HEATR5B: variants seen among roughly 807,000 people sequenced by gnomAD.
HEATR5B encodes the protein HEAT repeat-containing protein 5B.
HEATR5B carries 156 observed loss-of-function variants against 224.1 expected under a neutral mutation model. That is an observed-to-expected ratio of 0.70 (90% CI 0.61 to 0.80). HEATR5B has a LOEUF of 0.80. Ranked by LOEUF, HEATR5B falls within the 30% of genes least tolerant of loss-of-function variation. The pLI is 0.00. For synonymous variants in HEATR5B, 1,027 were observed against 893.0 expected (o/e 1.15, Z -2.68); for missense variants, 2,323 against 2,535.5 (o/e 0.92, Z 1.80).
intron 34 of HEATR5B, among the ~76,000 whole-genome samples, chr2:36,989,672 T>C (rs1319044200): frequency 1.3e-5 from 2 of 151,944 alleles, no homozygotes; most frequent in Non-Finnish European, 2.9e-5. Context: ...AGATTAACAC[T>C]TTTTTAAAAA....
At chr2:37,034,369 T>A (rs1449620264) in intron 21 of HEATR5B, among the ~76,000 whole-genome samples, 2 of 139,342 alleles carry the variant, frequency 1.4e-5, no homozygotes, top group Non-Finnish European at 3.1e-5. Flanking sequence ...ATCCCAGCAC[T>A]TTGGGAGGCC....
intron 22 of HEATR5B, among the ~76,000 whole-genome samples, chr2:37,030,937 G>C (rs1018747414): frequency 6.6e-6 from 1 of 152,188 alleles, no homozygotes; most frequent in African/African-American, 2.4e-5. Flanking sequence ...AAAGTGGCTC[G>C]CTGTACCTAA....
chr2:37,002,411 G>A lies in HEATR5B; in HGVS notation c.5212C>T (p.Pro1738Ser), dbSNP rs749560104. The change falls in exon 32 of 36, where the codon CCA becomes TCA. Residue 1738 changes from proline to serine, a missense_variant. Around this residue, in one of 12 missense-constraint regions of HEATR5B, gnomAD observed 844 missense variants for 812.9 expected, o/e 1.04. Transcript: ENST00000233099. Reference protein sequence around the residue: ...PHLSTKVSDSPSHIATKTRLS... With the variant: ...PHLSTKVSDSSSHIATKTRLS... Reference sequence around the variant, plus strand: ...CGAGTTTTAGTGGCTATGTGACTTGGAGAGTCTGACACCTTGGTACTGAGA... The same window carrying A: ...CGAGTTTTAGTGGCTATGTGACTTGAAGAGTCTGACACCTTGGTACTGAGA... 3 of 1,614,194 alleles carry A rather than the reference G, an allele frequency of 1.9e-6. No individual in the cohort carries two copies. Among genetic ancestry groups the A allele is most frequent in the Admixed American group, 1.7e-5 (1 of 60,028 alleles).
At chr2:37,030,902 G>A (rs376654994) in intron 22 of HEATR5B, among the ~76,000 whole-genome samples, 1 of 152,152 alleles carries the variant, frequency 6.6e-6, no homozygotes, top group African/African-American at 2.4e-5. Context: ...GTTTCTAGAG[G>A]TTTCCCACCA....
In HEATR5B at chr2:37,083,432, C is replaced by G; in HGVS notation, c.-18G>C. The G allele has an allele frequency of 6.2e-7, 1 of 1,603,366 alleles. No homozygotes were observed. The highest frequency in any genetic ancestry group is 2.2e-5 in the East Asian group (1 of 44,774). ...AACTCCATTACGGAAGTTTGAAATT[C>G]ACACCTTAAATTTAACAGAGTAAAA... On this transcript the variant is annotated 5_prime_UTR_variant, in exon 2 of 36. Coordinates refer to ENST00000233099, the MANE Select transcript of HEATR5B (RefSeq NM_019024.3).
chr2:36,985,947 TCTTA>T (rs1665924551), intron 35 of HEATR5B, among the ~76,000 whole-genome samples: 2 of 152,188 alleles, frequency 1.3e-5, no homozygotes, highest in South Asian at 2.1e-4. Flanking sequence ...ATATATATAT[TCTTA>T]CTGTCAAAAA....
At chr2:37,019,920 T>C (rs763501202) in intron 25 of HEATR5B, 43 bp from the exon 26 acceptor site, 36 of 1,401,606 alleles carry the variant, frequency 2.6e-5, no homozygotes, top group Non-Finnish European at 3.4e-5. Flanking sequence ...CTTTTATTTT[T>C]TGAGACACGG....
chr2:37,031,968 C>T (rs1054318460), intron 22 of HEATR5B, among the ~76,000 whole-genome samples: 3 of 151,510 alleles, frequency 2.0e-5, no homozygotes, highest in Non-Finnish European at 4.4e-5. Flanking sequence ...TTAAGCTATA[C>T]CTAAAACCCT....
intron 33 of HEATR5B, among the ~76,000 whole-genome samples, chr2:36,993,008 A>C (rs1419028281): frequency 6.6e-6 from 1 of 152,196 alleles, no homozygotes; most frequent in Non-Finnish European, 1.5e-5. Flanking sequence ...TATAGGTTTA[A>C]ACCAAGGTGT....
chr2:36,997,589 C>T lies in HEATR5B; in HGVS notation c.5545+2997G>A, dbSNP rs559239392. ...ATTCTTTTTTTTTTTTTTTTTGAGA[C>T]GGAGTCTCGCTCTGTAGCCCAGGCT... On this transcript the variant is annotated intron_variant, in intron 33 of 35. Transcript: ENST00000233099. Among the ~76,000 whole-genome samples, 12 of 94,870 alleles carry T rather than the reference C, an allele frequency of 1.3e-4. No homozygotes were observed. In the South Asian group the frequency reaches 2.2e-3, roughly 17 times the overall value. 62.2% of individuals were successfully genotyped at this position (94,870 alleles called of 152,430 possible).
At chr2:37,024,138 A>T (rs1419340562) in intron 24 of HEATR5B, among the ~76,000 whole-genome samples, 1 of 152,224 alleles carries the variant, frequency 6.6e-6, no homozygotes, top group East Asian at 1.9e-4. Context: ...GGTTAAGTGA[A>T]ATATGTCAGG....
At chr2:36,995,400 T>C (rs918054692) in intron 33 of HEATR5B, among the ~76,000 whole-genome samples, 3 of 152,180 alleles carry the variant, frequency 2.0e-5, no homozygotes, top group African/African-American at 7.2e-5. Flanking sequence ...TTCCTATCTA[T>C]ACACACATAT....
At chr2:37,078,891 A>C (rs1672385857) in intron 3 of HEATR5B, among the ~76,000 whole-genome samples, 1 of 152,188 alleles carries the variant, frequency 6.6e-6, no homozygotes, top group Non-Finnish European at 1.5e-5. Flanking sequence ...AGAATTTCCA[A>C]CTACCTATTT....
At chr2:37,023,870 G>A (rs1668611143) in intron 24 of HEATR5B, among the ~76,000 whole-genome samples, 1 of 152,050 alleles carries the variant, frequency 6.6e-6, no homozygotes, top group Non-Finnish European at 1.5e-5. Flanking sequence ...TTGGCTAGAA[G>A]CCCACAGTGC....
At position 37,000,841 on chromosome 2, in the gene HEATR5B, C is replaced by T. The variant is rs146506478; in HGVS notation, c.5318-28G>A. On this transcript the variant is annotated intron_variant, in intron 32 of 35. Coordinates refer to ENST00000233099, the MANE Select transcript of HEATR5B (RefSeq NM_019024.3). Reference sequence around the variant, plus strand: ...GAAAGAAAAACAAATCAGATCACCTCATAACTATTCAGTTCCCATATTATA... The same window carrying T: ...GAAAGAAAAACAAATCAGATCACCTTATAACTATTCAGTTCCCATATTATA... The T allele has an allele frequency of 8.5e-6, 12 of 1,411,150 alleles. No homozygotes were observed. The East Asian group carries it at 2.1e-4, about 24-fold the overall frequency. The allele number at this position is 1,411,150 out of a possible 1,614,324, so 87.4% of individuals were successfully genotyped here.
chr2:37,057,233 A>T (rs1208128807), intron 15 of HEATR5B, 84 bp downstream of exon 15: 1 of 1,029,920 alleles, frequency 9.7e-7, no homozygotes, highest in Non-Finnish European at 1.4e-6. Flanking sequence ...CTTTCTATAC[A>T]CTATTTTCTT....
intron 18 of HEATR5B, among the ~76,000 whole-genome samples, chr2:37,045,679 C>A (rs1183746447): frequency 6.6e-6 from 1 of 152,176 alleles, no homozygotes; most frequent in Non-Finnish European, 1.5e-5. Flanking sequence ...TCTCCCTGTG[C>A]AGCTCTCTCC....
At chr2:37,004,244 A>G (rs1230324316) in intron 30 of HEATR5B, among the ~76,000 whole-genome samples, 1 of 151,872 alleles carries the variant, frequency 6.6e-6, no homozygotes, top group Non-Finnish European at 1.5e-5. Context: ...TCTTTCCTTA[A>G]GATCATGTGT....
Position 37,072,214 on chromosome 2 carries a change from A to T in HEATR5B, c.665T>A (p.Leu222His). 6.2e-7 allele frequency: 1 copy of T among 1,613,812 alleles called. No individual in the cohort carries two copies. Among genetic ancestry groups the T allele is most frequent in the South Asian group, 1.1e-5 (1 of 91,074 alleles). ...TGAGTTTTCCAAAGCCTTAAAGCAG[A>T]GAGTGGCTATATTTTCTAGTTCAGC... is the stretch of plus-strand genomic sequence containing the variant. Reference protein sequence around the residue: ...WTAELENIATLCFKALENSNY... With the variant: ...WTAELENIATHCFKALENSNY... The change falls in exon 6 of 36, where the codon CTC becomes CAC. Residue 222 changes from leucine to histidine, a missense_variant. Leu to His is a moderately conservative substitution (Grantham distance 99). Transcript: ENST00000233099.
Sources: allele counts gnomAD v4.1 joint callset (sites outside exome capture counted in the v4.1 genomes callset), GRCh38; gene constraint gnomAD v4.1.1; regional missense constraint gnomAD v4.1.1; transcripts MANE v1.5; gene names NCBI Gene and HGNC (gene_info 2026-07-23, HGNC 2026-07-21).